Variants in ARHGEF11 observed in about 807,000 individuals in gnomAD.
ARHGEF11 encodes the protein Rho guanine exchange factor (GEF) 11.
Under a neutral mutation model 193.7 loss-of-function variants are expected in ARHGEF11, and 55 were observed. That is an observed-to-expected ratio of 0.28 (90% CI 0.23 to 0.36). ARHGEF11 has a LOEUF of 0.36. ARHGEF11 is among the 10% of genes least tolerant of loss of function. The pLI, the probability that ARHGEF11 is intolerant of heterozygous loss-of-function variation, is 1.00. For synonymous variants in ARHGEF11, 693 were observed against 768.0 expected (o/e 0.90, Z 1.62); for missense variants, 1,723 against 2,005.6 (o/e 0.86, Z 2.69).
At chr1:157,034,371 GC>G (rs1436992093) in intron 1 of ARHGEF11, among the ~76,000 whole-genome samples, 2 of 152,216 alleles carry the variant, frequency 1.3e-5, no homozygotes, top group Non-Finnish European at 2.9e-5. Context: ...TCAGACTCCT[GC>G]AGGGAAAGGC....
At chr1:156,980,528 T>C in intron 3 of ARHGEF11, 42 bp from the exon 4 acceptor site, 1 of 1,565,676 alleles carries the variant, frequency 6.4e-7, no homozygotes, top group Admixed American at 1.9e-5. Flanking sequence ...AACAACCTCT[T>C]CCACTGAAGC....
intron 1 of ARHGEF11, among the ~76,000 whole-genome samples, chr1:156,995,656 A>T (rs757153364): frequency 5.5e-5 from 8 of 146,740 alleles, no homozygotes; most frequent in Non-Finnish European, 1.2e-4. Flanking sequence ...CCTGGGTTCG[A>T]GCTCAAGCAA....
At chr1:157,016,277 T>C (rs1669220382) in intron 1 of ARHGEF11, among the ~76,000 whole-genome samples, 1 of 152,212 alleles carries the variant, frequency 6.6e-6, no homozygotes, top group Non-Finnish European at 1.5e-5. Context: ...CTGTCTGCAG[T>C]GGCACGATCT....
At chr1:157,014,741 C>T (rs574523692) in intron 1 of ARHGEF11, among the ~76,000 whole-genome samples, 11 of 152,242 alleles carry the variant, frequency 7.2e-5, no homozygotes, top group African/African-American at 2.2e-4. Flanking sequence ...ACCAACAGCC[C>T]CTCAACTGAG....
At chr1:156,950,562 C>T (rs1359492264) in intron 22 of ARHGEF11, among the ~76,000 whole-genome samples, 2 of 152,166 alleles carry the variant, frequency 1.3e-5, no homozygotes, top group Non-Finnish European at 2.9e-5. Flanking sequence ...ATCCCTTGAA[C>T]CCAGGAGTTT....
At position 156,956,435 on chromosome 1, in the gene ARHGEF11, G is replaced by C; in HGVS notation, c.1656C>G (p.Phe552Leu). ...CGGCCCTCACCTTCTTGGTCTTAGG[G>C]AAGAACGGTAGCCACTTGTCCTTGT... ...APDKDKWLPFFPKTKKSSNSK... is the reference protein window; with the variant it reads ...APDKDKWLPFLPKTKKSSNSK... The change falls in exon 19 of 41, where the codon TTC becomes TTG. Residue 552 changes from phenylalanine to leucine, a missense_variant. By Grantham distance (22) the Phe-to-Leu change is conservative (BLOSUM62 0). This residue lies in a region of ARHGEF11 where 491 missense variants were observed against 654.5 expected (regional missense o/e 0.75). Coordinates refer to ENST00000368194, the MANE Select transcript of ARHGEF11 (RefSeq NM_198236.3). 1 of 1,614,096 alleles carries C rather than the reference G, an allele frequency of 6.2e-7. No individual in the cohort carries two copies. The highest frequency in any genetic ancestry group is 8.5e-7 in the Non-Finnish European group (1 of 1,180,008).
chr1:157,033,081 C>T (rs1671490685), intron 1 of ARHGEF11, among the ~76,000 whole-genome samples: 3 of 152,242 alleles, frequency 2.0e-5, no homozygotes, highest in Admixed American at 2.0e-4. Context: ...GTGTTGATGA[C>T]CTGCTAATGT....
At chr1:157,001,017 A>G (rs1667148679) in intron 1 of ARHGEF11, among the ~76,000 whole-genome samples, 1 of 152,184 alleles carries the variant, frequency 6.6e-6, no homozygotes, top group African/African-American at 2.4e-5. Context: ...CTACCCTTCG[A>G]AAACCTGTGC....
At position 156,943,997 on chromosome 1, in the gene ARHGEF11, C is replaced by T; in HGVS notation, c.3173G>A (p.Ser1058Asn). Residue 1058 changes from serine (S) to asparagine (N), a missense_variant, in exon 32 of 41, where the codon AGC (serine) becomes AAC (asparagine). By Grantham distance (46) the Ser-to-Asn change is conservative (BLOSUM62 1). Transcript: ENST00000368194. ...HSKTAVGSSD[S>N]KQTFSPVLKL... ...GAGCACGGGGCTGAAGGTCTGCTTG[C>T]TGTCTGAGGAGCCCACAGCAGTCTT... 1 of 1,614,196 alleles carries T rather than the reference C, an allele frequency of 6.2e-7. No individual in the cohort carries two copies. Among genetic ancestry groups the T allele is most frequent in the Non-Finnish European group, 8.5e-7 (1 of 1,180,020 alleles).
intron 11 of ARHGEF11, among the ~76,000 whole-genome samples, chr1:156,966,409 G>A (rs1661673781): frequency 6.6e-6 from 1 of 152,196 alleles, no homozygotes; most frequent in African/African-American, 2.4e-5. Flanking sequence ...TACATGTGAT[G>A]AATTCTGTTA....
chr1:156,936,496 AAAT>A (rs1375843753), intron 40 of ARHGEF11, among the ~76,000 whole-genome samples: 13 of 77,738 alleles, frequency 1.7e-4, no homozygotes, highest in African/African-American at 2.3e-4. Context: ...AAAAAAAAAA[AAAT>A]ATATATATAT....
chr1:156,945,445 A>T, intron 29 of ARHGEF11: 1 of 522,964 alleles, frequency 1.9e-6, no homozygotes, highest in Non-Finnish European at 3.4e-6. Flanking sequence ...CCCTGCCTCT[A>T]CTACAACCAG....
intron 1 of ARHGEF11, 137 bp from the exon 2 acceptor site, chr1:156,986,310 G>A: frequency 1.6e-6 from 1 of 623,964 alleles, no homozygotes. Context: ...AACCCAATCT[G>A]GTAGGACATT....
At chr1:157,015,867 C>T (rs980675566) in intron 1 of ARHGEF11, among the ~76,000 whole-genome samples, 7 of 152,202 alleles carry the variant, frequency 4.6e-5, no homozygotes, top group African/African-American at 1.4e-4. Context: ...TGAATTTCCA[C>T]CAGGTGCCAG....
intron 1 of ARHGEF11, among the ~76,000 whole-genome samples, chr1:157,007,873 G>A (rs551486328): frequency 2.7e-5 from 4 of 147,240 alleles, no homozygotes; most frequent in Admixed American, 1.3e-4. Context: ...TGTTTAGAAT[G>A]TAATGTAAGC....
chr1:156,991,613 C>T (rs1304033656), intron 1 of ARHGEF11, among the ~76,000 whole-genome samples: 1 of 151,874 alleles, frequency 6.6e-6, no homozygotes, highest in Admixed American at 6.6e-5. Flanking sequence ...AGCCACTGTC[C>T]TTGGTCTTAA....
intron 3 of ARHGEF11, among the ~76,000 whole-genome samples, chr1:156,981,487 T>C (rs1015251925): frequency 6.6e-6 from 1 of 152,202 alleles, no homozygotes; most frequent in African/African-American, 2.4e-5. Context: ...GGTTTGTTTG[T>C]TTGTTTTGAG....
chr1:156,944,063 A>G lies in ARHGEF11; in HGVS notation c.3107T>C (p.Leu1036Pro), dbSNP rs962601496. 1.9e-5 allele frequency: 31 copies of G among 1,614,158 alleles called. No homozygotes were observed. The highest frequency in any genetic ancestry group is 2.6e-5 in the Non-Finnish European group (31 of 1,180,020). Residue 1036 changes from leucine (L) to proline (P), a missense_variant, in exon 32 of 41, where the codon CTA becomes CCA. Around this residue, in one of 5 missense-constraint regions of ARHGEF11, gnomAD observed 491 missense variants for 654.5 expected, o/e 0.75. Coordinates refer to ENST00000368194, the MANE Select transcript of ARHGEF11 (RefSeq NM_198236.3). ...CAATAGCTTCTCATCCTGTTTCTGT[A>G]GCAGCACTAGGAGGTCCTCCAGCAG... ...VLLLEDLLVL[L>P]QKQDEKLLLK...
In ARHGEF11 at chr1:156,938,507, A is replaced by T. The variant is rs773876775; in HGVS notation, c.4103T>A (p.Val1368Glu). 3 of 1,612,842 alleles carry T rather than the reference A, an allele frequency of 1.9e-6. No individual in the cohort carries two copies. Among genetic ancestry groups the T allele is most frequent in the Non-Finnish European group, 2.5e-6 (3 of 1,179,410 alleles). ...GGYKVVRKAEVAGSKVVPALP... is the reference protein window; with the variant it reads ...GGYKVVRKAEEAGSKVVPALP... ...TGCAGGGACAACCTTGCTGCCTGCC[A>T]CCTCAGCTGCACCGACACCACCACC... Residue 1368 changes from valine to glutamate, a missense_variant, in exon 38 of 41, where the codon GTG (valine) becomes GAG (glutamate). Transcript: ENST00000368194.
Sources: allele counts gnomAD v4.1 joint callset (sites outside exome capture counted in the v4.1 genomes callset), GRCh38; gene constraint gnomAD v4.1.1; regional missense constraint gnomAD v4.1.1; transcripts MANE v1.5; gene names NCBI Gene and HGNC (gene_info 2026-07-23, HGNC 2026-07-21).